Variants in LYPLA1 observed in about 807,000 individuals in gnomAD.
LYPLA1 encodes lysophospholipase 1, also known as acyl-protein thioesterase 1.
In LYPLA1, 17 loss-of-function variants were observed where a neutral mutation model predicts 34.0. The observed-to-expected ratio is 0.50, with a 90% CI of 0.34 to 0.75. LYPLA1 has a LOEUF of 0.75. LYPLA1 is among the 30% of genes least tolerant of loss of function. The pLI, the probability that LYPLA1 is intolerant of heterozygous loss-of-function variation, is 0.01. For synonymous variants in LYPLA1, 98 were observed against 100.8 expected (o/e 0.97, Z 0.17); for missense variants, 203 against 288.8 (o/e 0.70, Z 2.15).
At chr8:54,050,057 CT>C (rs899099897) in intron 8 of LYPLA1, among the ~76,000 whole-genome samples, 27 of 152,146 alleles carry the variant, frequency 1.8e-4, no homozygotes, top group African/African-American at 6.5e-4. Context: ...TATCCCTGAG[CT>C]TTTTTTCTTA....
At chr8:54,061,785 G>A (rs1358740090) in intron 5 of LYPLA1, among the ~76,000 whole-genome samples, 2 of 152,048 alleles carry the variant, frequency 1.3e-5, no homozygotes, top group Admixed American at 1.3e-4. Context: ...CTCTCTGGGG[G>A]GCAGGGGGTA....
intron 2 of LYPLA1, among the ~76,000 whole-genome samples, chr8:54,066,042 T>C (rs954398974): frequency 2.0e-5 from 3 of 152,166 alleles, no homozygotes; most frequent in African/African-American, 7.2e-5. Flanking sequence ...GTTCACGCCA[T>C]TCTCCTGCCT....
intron 2 of LYPLA1, among the ~76,000 whole-genome samples, chr8:54,081,053 A>C (rs1219420715): frequency 6.6e-6 from 1 of 152,356 alleles, no homozygotes; most frequent in Non-Finnish European, 1.5e-5. Flanking sequence ...GTTCACACAG[A>C]AAAGTACAAC....
At chr8:54,089,500 G>A (rs1321031758) in intron 2 of LYPLA1, among the ~76,000 whole-genome samples, 1 of 142,904 alleles carries the variant, frequency 7.0e-6, no homozygotes, top group Non-Finnish European at 1.5e-5. Flanking sequence ...CCTGGGGGGG[G>A]GCGGGATCTT....
rs1274502225 is a variant in LYPLA1 at position 54,046,494 on chromosome 8, T to G, written c.*1571A>C. 1 of 152,622 alleles carries G rather than the reference T, an allele frequency of 6.6e-6. No homozygotes were observed. The highest frequency in any genetic ancestry group is 2.4e-5 in the African/African-American group (1 of 41,462). The allele number at this position is 152,622 out of a possible 1,614,324, so 9.5% of individuals were successfully genotyped here. On this transcript the variant is annotated 3_prime_UTR_variant, in exon 9 of 9. Coordinates refer to ENST00000316963, the MANE Select transcript of LYPLA1 (RefSeq NM_006330.4). Reference sequence around the variant, plus strand: ...TTGCCATAAATAATATCTTGCTGATTTGTAGAAGTGAAATAACAGTTTATG... The same window carrying G: ...TTGCCATAAATAATATCTTGCTGATGTGTAGAAGTGAAATAACAGTTTATG...
chr8:54,057,951 GAAAAT>G (rs887443776), intron 5 of LYPLA1, among the ~76,000 whole-genome samples: 3 of 151,892 alleles, frequency 2.0e-5, no homozygotes, highest in African/African-American at 4.8e-5. Context: ...CACAAAAATT[GAAAAT>G]AAAAAAATAA....
chr8:54,046,204 A>G (rs2129319055), downstream of LYPLA1, among the ~76,000 whole-genome samples: 1 of 152,374 alleles, frequency 6.6e-6, no homozygotes, highest in Admixed American at 6.5e-5. Context: ...ACTGAATAAC[A>G]TGAGATTATT....
chr8:54,080,528 G>A (rs748482675), intron 2 of LYPLA1, among the ~76,000 whole-genome samples: 1 of 152,254 alleles, frequency 6.6e-6, no homozygotes, highest in East Asian at 1.9e-4. Flanking sequence ...GAAGTATATT[G>A]AGAAATATGT....
Position 54,083,642 on chromosome 8 carries a change from A to G in LYPLA1, c.101+17266T>C, listed in dbSNP as rs142731019. ...ATTAACTATAGACAACATGTAAACA[A>G]AAGGATGTGGTTCTGTTCCAACAAA... On this transcript the variant is annotated intron_variant, in intron 2 of 8. Coordinates refer to ENST00000316963, the MANE Select transcript of LYPLA1 (RefSeq NM_006330.4). Among the ~76,000 whole-genome samples the G allele has an allele frequency of 1.6e-4, 24 of 152,342 alleles. No homozygotes were observed. The East Asian group carries it at 4.2e-3, about 27-fold the overall frequency.
chr8:54,084,164 A>AT (rs1329457497), intron 2 of LYPLA1, among the ~76,000 whole-genome samples: 23 of 140,210 alleles, frequency 1.6e-4, no homozygotes, highest in African/African-American at 3.4e-4. Flanking sequence ...ATATATATAT[A>AT]AAATAAAGAC....
chr8:54,091,604 G>GGAAA (rs1809287276), intron 2 of LYPLA1, among the ~76,000 whole-genome samples: 1 of 150,156 alleles, frequency 6.7e-6, no homozygotes, highest in Non-Finnish European at 1.5e-5. Context: ...AAGGAAGGAA[G>GGAAA]GAAGGAAGGA....
chr8:54,048,183 A>C (rs1805600252), intron 8 of LYPLA1, 65 bp from the exon 9 acceptor site: 1 of 953,566 alleles, frequency 1.0e-6, no homozygotes, highest in Non-Finnish European at 1.7e-6. Context: ...ATTCCCACTA[A>C]AATGCCACTA....
At chr8:54,067,568 CATATAGTTTCCTGCTT>C (rs367771383) in intron 2 of LYPLA1, among the ~76,000 whole-genome samples, 11 of 152,170 alleles carry the variant, frequency 7.2e-5, no homozygotes, top group African/African-American at 2.4e-4. Flanking sequence ...TCATGTTATA[CATATAGTTTCCTGCTT>C]ATTTACATTT....
At chr8:54,088,965 A>C (rs1015205828) in intron 2 of LYPLA1, among the ~76,000 whole-genome samples, 2 of 152,248 alleles carry the variant, frequency 1.3e-5, no homozygotes, top group Admixed American at 1.3e-4. Context: ...AAAATGAAAG[A>C]AGCCAGATGC....
At chr8:54,062,538 G>C (rs543898542) in intron 4 of LYPLA1, among the ~76,000 whole-genome samples, 3 of 141,142 alleles carry the variant, frequency 2.1e-5, no homozygotes, top group African/African-American at 7.8e-5. Context: ...TTGAGACGAA[G>C]TCTCACTCTG....
At chr8:54,086,435 A>T (rs1431412466) in intron 2 of LYPLA1, among the ~76,000 whole-genome samples, 1 of 132,078 alleles carries the variant, frequency 7.6e-6, no homozygotes. Flanking sequence ...ATACTAAAAA[A>T]ATTAAAAAAA....
intron 8 of LYPLA1, among the ~76,000 whole-genome samples, chr8:54,050,656 C>A (rs1179571680): frequency 6.6e-6 from 1 of 152,132 alleles, no homozygotes; most frequent in Admixed American, 6.6e-5. Context: ...TTTTTCAGGG[C>A]ACCTTTTGTT....
downstream of LYPLA1, chr8:54,043,073 CT>C (rs1805413224): frequency 6.6e-6 from 1 of 152,260 alleles, no homozygotes; most frequent in East Asian, 1.9e-4. Flanking sequence ...ACAAATAACA[CT>C]TGTCCAGAGA....
intron 2 of LYPLA1, among the ~76,000 whole-genome samples, chr8:54,092,111 G>A (rs930989667): frequency 7.2e-5 from 11 of 151,730 alleles, no homozygotes; most frequent in African/African-American, 2.4e-4. Flanking sequence ...GGAAGAGGGG[G>A]AGGGGGAGGC....
Sources: allele counts gnomAD v4.1 joint callset (sites outside exome capture counted in the v4.1 genomes callset), GRCh38; gene constraint gnomAD v4.1.1; transcripts MANE v1.5; gene names NCBI Gene and HGNC (gene_info 2026-07-23, HGNC 2026-07-21).